GSDME: variants seen among roughly 807,000 people sequenced by gnomAD.
GSDME encodes gasdermin-E.
In GSDME, 44 loss-of-function variants were observed where a neutral mutation model predicts 47.5. The ratio of observed to expected loss-of-function variants is 0.93; its 90% CI spans 0.73 to 1.19. The LOEUF is 1.19. Ranked by LOEUF, GSDME falls within the 50% of genes most tolerant of loss-of-function variation. The pLI is 0.00. For missense variants in GSDME, 663 were observed against 604.2 expected (o/e 1.10, Z -1.02); for synonymous variants, 258 against 252.8 (o/e 1.02, Z -0.20).
In GSDME at chr7:24,705,970, G is replaced by A. The variant is rs1333713242; in HGVS notation, c.1183+214C>T. The A allele has an allele frequency of 4.7e-6, 3 of 644,518 alleles. No homozygotes were observed. The highest frequency in any genetic ancestry group is 5.5e-6 in the Non-Finnish European group (2 of 363,174). The allele number at this position is 644,518 out of a possible 1,614,324, so 39.9% of individuals were successfully genotyped here. On this transcript the variant is annotated intron_variant, in intron 8 of 9. Transcript: ENST00000645220. This position sits in a 1 kb window ranked among gnomAD's most constrained non-coding sequence, Gnocchi z 4.1. The stretch of plus-strand genomic sequence containing the variant: ...GGGAGAAGGGCCCTCCGGGAGAGTA[G>A]GGAGGCTTGTGCTGGATGGAAAGGC...
In GSDME at chr7:24,756,958, G is replaced by GC. The variant is rs765743107; in HGVS notation, c.-20+437dup. Among the ~76,000 whole-genome samples, 48 of 151,594 alleles carry GC rather than the reference G, an allele frequency of 3.2e-4. 2 individuals carry two copies. Among genetic ancestry groups the GC allele is most frequent in the Non-Finnish European group, 5.9e-4 (40 of 67,916 alleles). ...CCGCGGTCCGCCTCCCTGCACACAC[G>GC]CCCCCGAGCCGGGAGAGCCTCCGCA... On this transcript the variant is annotated intron_variant, in intron 1 of 9. Coordinates refer to ENST00000645220, the MANE Select transcript of GSDME (RefSeq NM_001127453.2). This position sits in a 1 kb window ranked among gnomAD's most constrained non-coding sequence, Gnocchi z 4.2.
Position 24,699,040 on chromosome 7 carries a change from T to C in GSDME, c.1477A>G (p.Arg493Gly). ...ITLNGLCALG[R>G]EHS The stretch of plus-strand genomic sequence containing the variant: ...CACATATGACATCATGAATGTTCTC[T>C]GCCTAAAGCACAGAGTCCATTCAGG... Residue 493 changes from arginine (R) to glycine (G), a missense_variant, in exon 10 of 10, where the codon AGA (arginine) becomes GGA (glycine). By Grantham distance (125) the Arg-to-Gly change is moderately radical. Transcript: ENST00000645220. 6.2e-7 allele frequency: 1 copy of C among 1,612,704 alleles called. No individual in the cohort carries two copies. The highest frequency in any genetic ancestry group is 8.5e-7 in the Non-Finnish European group (1 of 1,178,672).
chr7:24,702,626 C>A, intron 9 of GSDME, 134 bp downstream of exon 9: 1 of 749,536 alleles, frequency 1.3e-6, no homozygotes, highest in South Asian at 1.4e-5. Context: ...GGGTTAATAA[C>A]AATACTTACT....
intron 5 of GSDME, chr7:24,715,404 C>T: frequency 2.1e-6 from 1 of 466,832 alleles, no homozygotes; most frequent in Non-Finnish European, 4.4e-6. Context: ...ATTAGCTTGA[C>T]TCAGTAGTTA....
Position 24,708,165 on chromosome 7 carries a change from G to A in GSDME, c.952C>T (p.Leu318=), listed in dbSNP as rs1789194473. The A allele has an allele frequency of 8.7e-6, 14 of 1,614,134 alleles. No individual in the cohort carries two copies. Among genetic ancestry groups the A allele is most frequent in the Non-Finnish European group, 1.1e-5 (13 of 1,180,022 alleles). Residue 318 remains leucine, a synonymous_variant, in exon 7 of 10, where the codon CTA becomes TTA. Transcript: ENST00000645220. ...ACCATGAGTAGTTCATCATCAAATA[G>A]GACCGCCTGGAAGATGTCACTCAAA... ...TALSDIFQAV[L]FDDELLMVLE... is the part of the protein sequence containing the mutation.
At chr7:24,701,139 C>A (rs541414884) in intron 9 of GSDME, among the ~76,000 whole-genome samples, 1 of 152,292 alleles carries the variant, frequency 6.6e-6, no homozygotes, top group African/African-American at 2.4e-5. Flanking sequence ...GGATTTTGTG[C>A]CGTTTTAAGT....
At chr7:24,748,410 G>A (rs560910131) in intron 2 of GSDME, among the ~76,000 whole-genome samples, 2 of 151,956 alleles carry the variant, frequency 1.3e-5, no homozygotes, top group South Asian at 2.1e-4. Context: ...CACCAGCCTC[G>A]GCCTCCCAAA....
At chr7:24,711,175 C>A (rs1001887131) in intron 5 of GSDME, among the ~76,000 whole-genome samples, 1 of 152,172 alleles carries the variant, frequency 6.6e-6, no homozygotes, top group African/African-American at 2.4e-5. Context: ...ACATTATTAT[C>A]TCTACTTTTT....
the GSDME span, among the ~76,000 whole-genome samples, chr7:24,794,189 T>G: frequency 6.6e-6 from 1 of 152,170 alleles, no homozygotes; most frequent in African/African-American, 2.4e-5. Flanking sequence ...TCTTCCTCTC[T>G]CTCTCTGCCT....
chr7:24,764,215 C>T, the GSDME span, among the ~76,000 whole-genome samples: 1 of 152,168 alleles, frequency 6.6e-6, no homozygotes, highest in Non-Finnish European at 1.5e-5. This position sits in a 1 kb window ranked among gnomAD's most constrained non-coding sequence, Gnocchi z 4.4. Flanking sequence ...TATCCTGGCA[C>T]CTGACTCAAT....
chr7:24,782,377 C>T, the GSDME span, among the ~76,000 whole-genome samples: 1 of 152,086 alleles, frequency 6.6e-6, no homozygotes, highest in African/African-American at 2.4e-5. Context: ...TCATCCATGT[C>T]GCTACAAAGG....
intron 1 of GSDME, among the ~76,000 whole-genome samples, chr7:24,752,132 G>C (rs1790879109): frequency 6.6e-6 from 1 of 152,212 alleles, no homozygotes; most frequent in Non-Finnish European, 1.5e-5. Context: ...AGGAGGTGAT[G>C]GAGGGATGGG....
At chr7:24,789,462 G>A in the GSDME span, among the ~76,000 whole-genome samples, 11 of 152,198 alleles carry the variant, frequency 7.2e-5, no homozygotes, top group Non-Finnish European at 1.6e-4. Flanking sequence ...AGCAGGTCGT[G>A]ATCAATTAAG....
rs143102920 is a variant in GSDME at position 24,724,023 on chromosome 7, T to C, written c.405-4805A>G. On this transcript the variant is annotated intron_variant, in intron 3 of 9. Coordinates refer to ENST00000645220, the MANE Select transcript of GSDME (RefSeq NM_001127453.2). This position sits in a 1 kb window ranked among gnomAD's most constrained non-coding sequence, Gnocchi z 4.8. ...TCCTCTCGGGCCCTGTGAGAGCCAC[T>C]GAGCAACACAGACAGAATGGCTTTA... 1.3e-5 allele frequency among the ~76,000 whole-genome samples: 2 copies of C among 152,258 alleles called. No individual in the cohort carries two copies.
rs893337912 is a variant in GSDME at position 24,736,738 on chromosome 7, C to T, written c.404+7824G>A. 2.6e-5 allele frequency among the ~76,000 whole-genome samples: 4 copies of T among 152,082 alleles called. No individual in the cohort carries two copies. Among genetic ancestry groups the T allele is most frequent in the East Asian group, 1.9e-4 (1 of 5,192 alleles). ...TCTTTTCCTCAGCACATGGATCATT[C>T]GCAAGGATAGACCATATGTTAGGCC... On this transcript the variant is annotated intron_variant, in intron 3 of 9. Coordinates refer to ENST00000645220, the MANE Select transcript of GSDME (RefSeq NM_001127453.2). The surrounding 1 kb of genome is among the most constrained non-coding windows in gnomAD (Gnocchi z 4.6).
rs1249382550 is a variant in GSDME at position 24,714,229 on chromosome 7, AC to A, written c.697+3024del. Among the ~76,000 whole-genome samples, 3 of 152,178 alleles carry A rather than the reference AC, an allele frequency of 2.0e-5. No homozygotes were observed. Among genetic ancestry groups the A allele is most frequent in the African/African-American group, 7.2e-5 (3 of 41,446 alleles). ...TCATTGCAGCTGGCATGGCTGAAGC[AC>A]CTGGCCGGGATACAGATGGAGTCTG... On this transcript the variant is annotated intron_variant, in intron 5 of 9. Transcript: ENST00000645220. This position sits in a 1 kb window ranked among gnomAD's most constrained non-coding sequence, Gnocchi z 5.0.
chr7:24,721,470 G>A lies in GSDME; in HGVS notation c.405-2252C>T, dbSNP rs1789784100. On this transcript the variant is annotated intron_variant, in intron 3 of 9. Coordinates refer to ENST00000645220, the MANE Select transcript of GSDME (RefSeq NM_001127453.2). The surrounding 1 kb of genome is among the most constrained non-coding windows in gnomAD (Gnocchi z 4.1). ...GATCTCAGCTCTGCCCTCCCACTGG[G>A]CAAGCTCGAGTGAAGGGCCACCTCT... 1.3e-5 allele frequency among the ~76,000 whole-genome samples: 2 copies of A among 152,186 alleles called. No individual in the cohort carries two copies. Among genetic ancestry groups the A allele is most frequent in the African/African-American group, 4.8e-5 (2 of 41,440 alleles).
rs1364226395 is a variant in GSDME at position 24,707,953 on chromosome 7, C to T, written c.990+174G>A. The T allele has an allele frequency of 2.1e-4, 151 of 726,346 alleles. No homozygotes were observed. The Admixed American group carries it at 4.3e-3, about 21-fold the overall frequency. The allele number at this position is 726,346 out of a possible 1,614,324, so 45.0% of individuals were successfully genotyped here. ...CCTAGGAAATTAACACCTCCCTCCA[C>T]CCGATGCCAGCTACCTGTCTGCACT... On this transcript the variant is annotated intron_variant, in intron 7 of 9. Transcript: ENST00000645220.
Position 24,749,694 on chromosome 7 carries a change from G to A in GSDME, c.81C>T (p.Asp27=). The part of the protein sequence containing the change: ...GDLIAVSNLN[D]SDKLQLLSLV... ...GACTTAGAAGCTGTAACTTATCAGA[G>A]TCATTCAGATTTGATACTGCAATCA... Residue 27 remains aspartate (D), a synonymous_variant, in exon 2 of 10, where the codon GAC becomes GAT. Transcript: ENST00000645220. The A allele has an allele frequency of 6.2e-7, 1 of 1,614,004 alleles. No homozygotes were observed. Among genetic ancestry groups the A allele is most frequent in the Non-Finnish European group, 8.5e-7 (1 of 1,179,934 alleles).
Sources: gnomAD v4.1 joint callset for allele counts (sites outside exome capture counted in the v4.1 genomes callset) on GRCh38, gnomAD v4.1.1 for gene constraint, Gnocchi (gnomAD v3.1) non-coding constraint, MANE v1.5 for transcripts, NCBI Gene and HGNC (gene_info 2026-07-23, HGNC 2026-07-21) for gene names.